Variants in ABTB3 observed in about 807,000 individuals in gnomAD.
ABTB3 encodes the protein ankyrin repeat and BTB domain containing 3, also known as ankyrin repeat- and BTB/POZ domain-containing protein 3.
the ABTB3 span, among the ~76,000 whole-genome samples, chr12:107,380,827 A>G: frequency 6.6e-6 from 1 of 152,276 alleles, no homozygotes; most frequent in Non-Finnish European, 1.5e-5. Context: ...TAGTATTTAT[A>G]TACTTTATGT....
the ABTB3 span, among the ~76,000 whole-genome samples, chr12:107,320,995 G>A: frequency 6.6e-6 from 1 of 152,302 alleles, no homozygotes; most frequent in Admixed American, 6.5e-5. Flanking sequence ...CTTGAAGGGG[G>A]TGGGGCCGGG....
At chr12:107,566,600 G>C in the ABTB3 span, among the ~76,000 whole-genome samples, 1 of 150,098 alleles carries the variant, frequency 6.7e-6, no homozygotes, top group East Asian at 2.0e-4. Context: ...TAGCCGCCAA[G>C]GCAAAACAGG....
the ABTB3 span, chr12:107,318,641 T>G: frequency 5.7e-6 from 2 of 350,440 alleles, no homozygotes; most frequent in Non-Finnish European, 1.0e-5. Flanking sequence ...TCTAGACACT[T>G]TTTATTTTGG....
the ABTB3 span, among the ~76,000 whole-genome samples, chr12:107,606,686 A>G: frequency 6.6e-6 from 1 of 152,234 alleles, no homozygotes; most frequent in Non-Finnish European, 1.5e-5. Flanking sequence ...ACAATAATTT[A>G]TAGCATCTTT....
the ABTB3 span, among the ~76,000 whole-genome samples, chr12:107,388,170 C>T: frequency 6.6e-6 from 1 of 151,978 alleles, no homozygotes; most frequent in Non-Finnish European, 1.5e-5. Flanking sequence ...CGATGTTTCA[C>T]CATGTTGCCC....
the ABTB3 span, among the ~76,000 whole-genome samples, chr12:107,431,527 T>TC: frequency 8.5e-5 from 13 of 152,054 alleles, no homozygotes; most frequent in African/African-American, 4.8e-5. Flanking sequence ...GAGAATTGCT[T>TC]AAACCTGGGC....
chr12:107,508,972 C>T, the ABTB3 span, among the ~76,000 whole-genome samples: 1 of 152,156 alleles, frequency 6.6e-6, no homozygotes, highest in African/African-American at 2.4e-5. Flanking sequence ...CTACCCAAGA[C>T]TCAGCTGGAG....
chr12:107,544,180 G>A, the ABTB3 span: 1 of 1,591,762 alleles, frequency 6.3e-7, no homozygotes, highest in South Asian at 1.1e-5. Context: ...GGTGGGTACT[G>A]CCTCCAGGGT....
At chr12:107,454,969 T>C in the ABTB3 span, among the ~76,000 whole-genome samples, 1 of 152,224 alleles carries the variant, frequency 6.6e-6, no homozygotes, top group Non-Finnish European at 1.5e-5. Context: ...GTATTCTCCA[T>C]TCCCATTTAA....
At chr12:107,519,208 C>T in the ABTB3 span, among the ~76,000 whole-genome samples, 3 of 152,214 alleles carry the variant, frequency 2.0e-5, no homozygotes, top group Non-Finnish European at 2.9e-5. Context: ...TGGATCTGCT[C>T]TGTGTGTCTC....
chr12:107,321,018 G>C, the ABTB3 span, among the ~76,000 whole-genome samples: 41 of 152,194 alleles, frequency 2.7e-4, no homozygotes, highest in Non-Finnish European at 5.1e-4. Flanking sequence ...GCTTGTTTTC[G>C]AGAGCTCGCG....
At chr12:107,491,094 T>C in the ABTB3 span, among the ~76,000 whole-genome samples, 1 of 152,206 alleles carries the variant, frequency 6.6e-6, no homozygotes, top group Admixed American at 6.5e-5. Flanking sequence ...TAGGTGGGCC[T>C]CTGTGGCTGA....
At chr12:107,447,808 T>C in the ABTB3 span, among the ~76,000 whole-genome samples, 2 of 152,302 alleles carry the variant, frequency 1.3e-5, no homozygotes, top group East Asian at 3.9e-4. Context: ...AGCCTCTTCA[T>C]GAAGACCTCC....
At chr12:107,530,757 CTTGT>C in the ABTB3 span, among the ~76,000 whole-genome samples, 1 of 152,094 alleles carries the variant, frequency 6.6e-6, no homozygotes, top group Non-Finnish European at 1.5e-5. Flanking sequence ...TTTTTAAACA[CTTGT>C]TTGTCAAATT....
At chr12:107,477,709 G>C in the ABTB3 span, among the ~76,000 whole-genome samples, 10 of 152,074 alleles carry the variant, frequency 6.6e-5, no homozygotes, top group African/African-American at 1.7e-4. Flanking sequence ...AGTTTGCTAT[G>C]GCAAGATAAA....
At chr12:107,524,464 C>T in the ABTB3 span, among the ~76,000 whole-genome samples, 21 of 152,262 alleles carry the variant, frequency 1.4e-4, no homozygotes, top group Admixed American at 8.5e-4. Context: ...CTCAGTCATT[C>T]CTGCTCTTGT....
chr12:107,531,835 C>T, the ABTB3 span, among the ~76,000 whole-genome samples: 3 of 152,148 alleles, frequency 2.0e-5, no homozygotes, highest in Non-Finnish European at 4.4e-5. Flanking sequence ...GCCCCTGCAT[C>T]TCCACACCCT....
the ABTB3 span, among the ~76,000 whole-genome samples, chr12:107,592,067 C>T: frequency 6.6e-6 from 1 of 152,190 alleles, no homozygotes; most frequent in Non-Finnish European, 1.5e-5. Flanking sequence ...AGCCTCAGTT[C>T]CCCTTAGGAA....
At chr12:107,510,588 C>A in the ABTB3 span, among the ~76,000 whole-genome samples, 1 of 152,120 alleles carries the variant, frequency 6.6e-6, no homozygotes, top group East Asian at 1.9e-4. Flanking sequence ...GAGAGCGATG[C>A]AGGGTGTTAT....
Sources: allele counts gnomAD v4.1 joint callset (sites outside exome capture counted in the v4.1 genomes callset), GRCh38; gene constraint gnomAD v4.1.1; transcripts MANE v1.5; gene names NCBI Gene and HGNC (gene_info 2026-07-23, HGNC 2026-07-21).